The following SART1 variants were observed in gnomAD, a reference collection of about 807,000 sequenced individuals.
SART1 encodes the protein spliceosome associated factor 1, recruiter of U4/U6.U5 tri-snRNP.
Under a neutral mutation model 105.0 loss-of-function variants are expected in SART1, and 28 were observed. The observed-to-expected ratio is 0.27, with a 90% CI of 0.20 to 0.37. The LOEUF (loss-of-function observed/expected upper bound fraction) is 0.37, where lower values mean the gene tolerates loss of function less well. Among genes scored for constraint, SART1 ranks in the 10% least tolerant of loss-of-function variants. The pLI is 1.00. For synonymous variants in SART1, 472 were observed against 462.9 expected (o/e 1.02, Z -0.25); for missense variants, 894 against 1,106.5 (o/e 0.81, Z 2.72).
chr11:65,964,619 GGGGTCTTTGAAGAAGGTGGGGTTAGA>G (rs1451471441), intron 3 of SART1, 49 bp downstream of exon 3: 12 of 1,569,828 alleles, frequency 7.6e-6, no homozygotes, highest in Admixed American at 2.0e-5. Flanking sequence ...GCCATCTGAA[GGGGTCTTTGAAGAAGGTGGGGTTAGA>G]GGGCAGGTTC....
At chr11:65,962,557 TAGAC>T (rs979875590) in intron 1 of SART1, among the ~76,000 whole-genome samples, 1 of 151,880 alleles carries the variant, frequency 6.6e-6, no homozygotes, top group Non-Finnish European at 1.5e-5. Context: ...GGGAGTAAGA[TAGAC>T]AGGGATGTGA....
Position 65,976,175 on chromosome 11 carries a change from C to T in SART1, c.1573-220C>T, listed in dbSNP as rs1855477108. ...AAGGCCCTGTAGGATGTTGGGTATTCATTCAAAGGGCATCCAAACCCATTG... is the reference window on the plus strand; with the variant it reads ...AAGGCCCTGTAGGATGTTGGGTATTTATTCAAAGGGCATCCAAACCCATTG... On this transcript the variant is annotated intron_variant, in intron 12 of 19. Coordinates refer to ENST00000312397, the MANE Select transcript of SART1 (RefSeq NM_005146.5). The surrounding 1 kb of genome is among the most constrained non-coding windows in gnomAD (Gnocchi z 5.1). 6.6e-6 allele frequency among the ~76,000 whole-genome samples: 1 copy of T among 152,092 alleles called. No homozygotes were observed.
rs1289707959 is a variant in SART1 at position 65,977,121 on chromosome 11, C to G, written c.1945+20C>G. On this transcript the variant is annotated intron_variant, in intron 15 of 19. Coordinates refer to ENST00000312397, the MANE Select transcript of SART1 (RefSeq NM_005146.5). ...ACAAAGGTAGGGAGCTCAGGGCAGC[C>G]ATGACTTGGGTGGGCTTGGGTGCTG... 6.3e-7 allele frequency: 1 copy of G among 1,598,002 alleles called. No homozygotes were observed. Among genetic ancestry groups the G allele is most frequent in the Non-Finnish European group, 8.6e-7 (1 of 1,166,856 alleles).
chr11:65,977,490 C>A, intron 15 of SART1, 73 bp from the exon 16 acceptor site: 1 of 1,309,552 alleles, frequency 7.6e-7, no homozygotes, highest in Non-Finnish European at 1.1e-6. Flanking sequence ...ACAGGGCCTG[C>A]TCTGCCTTCT....
At chr11:65,963,671 G>A (rs1405670143) in intron 1 of SART1, among the ~76,000 whole-genome samples, 1 of 152,052 alleles carries the variant, frequency 6.6e-6, no homozygotes, top group Non-Finnish European at 1.5e-5. Flanking sequence ...TAGTAGAGAC[G>A]GGGTTTCACC....
chr11:65,967,735 G>C lies in SART1; in HGVS notation c.1486G>C (p.Glu496Gln). 6.4e-7 allele frequency: 1 copy of C among 1,554,514 alleles called. No individual in the cohort carries two copies. Among genetic ancestry groups the C allele is most frequent in the Non-Finnish European group, 8.7e-7 (1 of 1,149,216 alleles). Residue 496 changes from glutamate to glutamine, a missense_variant, in exon 12 of 20, where the codon GAG (glutamate) becomes CAG (glutamine). By Grantham distance (29) the Glu-to-Gln change is conservative. Transcript: ENST00000312397. ...SPQVLEEDEA[E>Q]LELQKQLEKG... is the part of the protein sequence containing the mutation. ...GCAGGTGCTGGAGGAGGACGAGGCG[G>C]AGCTGGAGCTGCAGAAGCAGCTGGA...
Position 65,967,515 on chromosome 11 carries a change from A to AGAAGGAGCC in SART1, c.1359_1367dup (p.Lys454_Pro456dup), listed in dbSNP as rs1452456752. The AGAAGGAGCC allele has an allele frequency of 5.2e-5, 84 of 1,612,898 alleles. No individual in the cohort carries two copies. The highest frequency in any genetic ancestry group is 6.6e-5 in the Non-Finnish European group (78 of 1,179,952). Reference sequence around the variant, plus strand: ...CGCCGAGTGTCCGAAGTGGAGGAGGAGAAGGAGCCTGTGCCTCAGCCCCTG... The same window carrying AGAAGGAGCC: ...CGCCGAGTGTCCGAAGTGGAGGAGGAGAAGGAGCCGAAGGAGCCTGTGCCTCAGCCCCTG... On this transcript the variant is annotated inframe_insertion, in exon 11 of 20. Coordinates refer to ENST00000312397, the MANE Select transcript of SART1 (RefSeq NM_005146.5).
chr11:65,979,170 T>TCTCACCTAGCA lies in SART1; in HGVS notation c.*140_*141insCTCACCTAGCA. ...GGCACAGAGTCTGGCTCCTGCTAGG[T>TCTCACCTAGCA]GAGACCTGGCCATCAAATGACACAA... On this transcript the variant is annotated 3_prime_UTR_variant, in exon 20 of 20. Coordinates refer to ENST00000312397, the MANE Select transcript of SART1 (RefSeq NM_005146.5). 2.7e-6 allele frequency: 3 copies of TCTCACCTAGCA among 1,104,216 alleles called. No individual in the cohort carries two copies. Among genetic ancestry groups the TCTCACCTAGCA allele is most frequent in the Non-Finnish European group, 4.0e-6 (3 of 752,102 alleles). The allele number at this position is 1,104,216 out of a possible 1,614,324, so 68.4% of individuals were successfully genotyped here. A position where few individuals can be genotyped will look rare whatever the true frequency, so the allele number is the denominator to read the frequency against.
chr11:65,966,512 G>A lies in SART1; in HGVS notation c.1144G>A (p.Val382Met). 6.3e-7 allele frequency: 1 copy of A among 1,583,604 alleles called. No individual in the cohort carries two copies. The highest frequency in any genetic ancestry group is 8.6e-7 in the Non-Finnish European group (1 of 1,164,696). The change falls in exon 9 of 20, where the codon GTG becomes ATG. Residue 382 changes from valine to methionine, a missense_variant. This residue lies in a region of SART1 where 712 missense variants were observed against 778.2 expected (regional missense o/e 0.91). Coordinates refer to ENST00000312397, the MANE Select transcript of SART1 (RefSeq NM_005146.5). ...GCTGCAGGCTCAGTCCCTGAGCACA[G>A]TGGGGCCCCGGCTGGCCTCCGAATA... is the stretch of plus-strand genomic sequence containing the variant. ...LRLQAQSLST[V>M]GPRLASEYLT...
intron 12 of SART1, among the ~76,000 whole-genome samples, chr11:65,969,576 AG>A (rs1855330628): frequency 1.3e-5 from 2 of 152,138 alleles, no homozygotes; most frequent in African/African-American, 4.8e-5. Context: ...CAGGCTCTCA[AG>A]TAGCTGAGAC....
Position 65,966,554 on chromosome 11 carries a change from A to C in SART1, c.1186A>C (p.Met396Leu). 2.6e-6 allele frequency: 4 copies of C among 1,520,758 alleles called. No individual in the cohort carries two copies. The highest frequency in any genetic ancestry group is 3.5e-6 in the Non-Finnish European group (4 of 1,137,540). The allele number at this position is 1,520,758 out of a possible 1,614,324, so 94.2% of individuals were successfully genotyped here. Reference protein sequence around the residue: ...LASEYLTPEEMVTFKKTKRRV... With the variant: ...LASEYLTPEELVTFKKTKRRV... ...CTCCGAATACCTCACGCCTGAGGAGATGGTGAGCCCTCCCGTGCCTTATAC... is the reference window on the plus strand; with the variant it reads ...CTCCGAATACCTCACGCCTGAGGAGCTGGTGAGCCCTCCCGTGCCTTATAC... Residue 396 changes from methionine to leucine, a missense_variant and splice_region_variant, in exon 9 of 20, where the codon ATG becomes CTG. By Grantham distance (15) the Met-to-Leu change is conservative (BLOSUM62 2). Around this residue, in one of 2 missense-constraint regions of SART1, gnomAD observed 712 missense variants for 778.2 expected, o/e 0.91. Transcript: ENST00000312397.
At chr11:65,973,778 T>A (rs1412067896) in intron 12 of SART1, among the ~76,000 whole-genome samples, 1 of 152,136 alleles carries the variant, frequency 6.6e-6, no homozygotes, top group African/African-American at 2.4e-5. Context: ...GATTCCATAG[T>A]GGAAACTGAT....
chr11:65,977,743 GCCT>G lies in SART1; in HGVS notation c.2037-16_2037-14del. On this transcript the variant is annotated intron_variant, in intron 16 of 19. Transcript: ENST00000312397. The stretch of plus-strand genomic sequence containing the variant: ...GCAGGCGGCAGCTCCTCACACTAAG[GCCT>G]CCTCTGTCTCGGGCCAGGGCCATCG... 6.2e-7 allele frequency: 1 copy of G among 1,614,048 alleles called. No individual in the cohort carries two copies. The highest frequency in any genetic ancestry group is 8.5e-7 in the Non-Finnish European group (1 of 1,179,980).
intron 12 of SART1, among the ~76,000 whole-genome samples, chr11:65,973,266 A>AG (rs1855418118): frequency 1.3e-5 from 2 of 152,188 alleles, no homozygotes; most frequent in African/African-American, 4.8e-5. Context: ...CAAAAAGAGA[A>AG]GATATTTGCC....
At chr11:65,963,455 A>C (rs1478127171) in intron 1 of SART1, among the ~76,000 whole-genome samples, 1 of 151,992 alleles carries the variant, frequency 6.6e-6, no homozygotes, top group African/African-American at 2.4e-5. Context: ...CAGGATGGGA[A>C]TGCAGGAAAG....
intron 12 of SART1, among the ~76,000 whole-genome samples, chr11:65,970,659 CAA>C (rs1855356681): frequency 1.3e-5 from 2 of 151,320 alleles, no homozygotes; most frequent in Non-Finnish European, 2.9e-5. Flanking sequence ...GGTGGTGGTG[CAA>C]AGAGATGGGA....
chr11:65,970,737 G>A (rs1855359352), intron 12 of SART1, among the ~76,000 whole-genome samples: 1 of 150,076 alleles, frequency 6.7e-6, no homozygotes, highest in South Asian at 2.1e-4. Context: ...CAGTGGCAGT[G>A]TGGATGGTGG....
Position 65,976,445 on chromosome 11 carries a change from G to A in SART1, c.1623G>A (p.Glu541=). 1.3e-6 allele frequency: 2 copies of A among 1,570,330 alleles called. No individual in the cohort carries two copies. The highest frequency in any genetic ancestry group is 1.7e-6 in the Non-Finnish European group (2 of 1,159,728). Reference sequence around the variant, plus strand: ...AGTCTCGCCAGCGGGGCTGGGAGGAGGATGAGGATCCCGAGCGGAAGGGGG... The same window carrying A: ...AGTCTCGCCAGCGGGGCTGGGAGGAAGATGAGGATCCCGAGCGGAAGGGGG... The part of the protein sequence containing the change: ...KLESRQRGWE[E]DEDPERKGAI... The change falls in exon 13 of 20, where the codon GAG becomes GAA. Residue 541 remains glutamate (E), a synonymous_variant. Transcript: ENST00000312397. This position sits in a 1 kb window ranked among gnomAD's most constrained non-coding sequence, Gnocchi z 5.1.
rs373342209 is a variant in SART1, at chr11:65,977,003, G to C, written c.1858-11G>C. The stretch of plus-strand genomic sequence containing the variant: ...ATGGCCTGCTAACCACCCCCGCCAC[G>C]TGTCCCGTAGTTCTCTGCTTCCTCC... On this transcript the variant is annotated splice_polypyrimidine_tract_variant and intron_variant, in intron 14 of 19. Coordinates refer to ENST00000312397, the MANE Select transcript of SART1 (RefSeq NM_005146.5). 6.2e-7 allele frequency: 1 copy of C among 1,611,568 alleles called. No homozygotes were observed. Among genetic ancestry groups the C allele is most frequent in the Non-Finnish European group, 8.5e-7 (1 of 1,177,890 alleles).
Sources: allele counts gnomAD v4.1 joint callset (sites outside exome capture counted in the v4.1 genomes callset), GRCh38; gene constraint gnomAD v4.1.1; regional missense constraint gnomAD v4.1.1; non-coding constraint Gnocchi (gnomAD v3.1); transcripts MANE v1.5; gene names NCBI Gene and HGNC (gene_info 2026-07-23, HGNC 2026-07-21).